Variants in STAU2 observed in about 807,000 individuals in gnomAD.
STAU2 encodes the protein double-stranded RNA-binding protein Staufen homolog 2.
STAU2 carries 20 observed loss-of-function variants against 65.9 expected under a neutral mutation model. The ratio of observed to expected loss-of-function variants is 0.30; its 90% CI spans 0.21 to 0.44. STAU2 has a LOEUF of 0.44. STAU2 is among the 20% of genes least tolerant of loss of function. STAU2 has a pLI of 1.00. For synonymous variants in STAU2, 232 were observed against 233.9 expected (o/e 0.99, Z 0.07); for missense variants, 558 against 683.9 (o/e 0.82, Z 2.05).
chr8:73,490,521 C>T (rs1821105867), intron 13 of STAU2, among the ~76,000 whole-genome samples: 1 of 151,998 alleles, frequency 6.6e-6, no homozygotes, highest in Non-Finnish European at 1.5e-5. Context: ...AGGGACTTAG[C>T]TCAATCCATG....
chr8:73,724,889 T>C (rs1325135223), intron 3 of STAU2, among the ~76,000 whole-genome samples: 1 of 152,176 alleles, frequency 6.6e-6, no homozygotes, highest in Non-Finnish European at 1.5e-5. Context: ...GTTTTCACCA[T>C]GTTGTCCAGG....
intron 3 of STAU2, among the ~76,000 whole-genome samples, chr8:73,709,562 CT>C (rs1316394080): frequency 6.6e-6 from 1 of 151,370 alleles, no homozygotes; most frequent in East Asian, 1.9e-4. Context: ...AATTTTTTTC[CT>C]TCTCATTATG....
At chr8:73,639,974 T>A (rs2130117155) in intron 6 of STAU2, among the ~76,000 whole-genome samples, 1 of 152,238 alleles carries the variant, frequency 6.6e-6, no homozygotes, top group East Asian at 1.9e-4. Flanking sequence ...AGGAACAAAC[T>A]AAATTATGAC....
At chr8:73,444,018 ACT>A (rs1818334809) in intron 13 of STAU2, among the ~76,000 whole-genome samples, 1 of 151,972 alleles carries the variant, frequency 6.6e-6, no homozygotes. Flanking sequence ...CCATGTTGTG[ACT>A]CTGCTCTCCT....
intron 13 of STAU2, among the ~76,000 whole-genome samples, chr8:73,507,981 C>T (rs1822165929): frequency 6.6e-6 from 1 of 152,202 alleles, no homozygotes; most frequent in Non-Finnish European, 1.5e-5. Flanking sequence ...GAGTTAGGGC[C>T]TTGCTCTGGA....
At chr8:73,572,042 A>T (rs1317853457) in intron 12 of STAU2, among the ~76,000 whole-genome samples, 2 of 152,206 alleles carry the variant, frequency 1.3e-5, no homozygotes, top group South Asian at 2.1e-4. Flanking sequence ...AATCAAATAG[A>T]CGCAATAAAA....
chr8:73,668,455 T>C (rs998930519), intron 6 of STAU2, among the ~76,000 whole-genome samples: 1 of 152,166 alleles, frequency 6.6e-6, no homozygotes, highest in African/African-American at 2.4e-5. Flanking sequence ...GTCTGCCATT[T>C]TGGCCATTTG....
chr8:73,483,655 A>G (rs1405596334), intron 13 of STAU2, among the ~76,000 whole-genome samples: 1 of 152,162 alleles, frequency 6.6e-6, no homozygotes, highest in Non-Finnish European at 1.5e-5. Context: ...CAACATTACA[A>G]TGTTGCTTAG....
rs183307313 is a variant in STAU2 at position 73,497,994 on chromosome 8, G to T, written c.1530+54018C>A. Reference sequence around the variant, plus strand: ...TAATGATACAACTTATGTACACGTGGCAACATAATATACTGATCTCTTAAT... The same window carrying T: ...TAATGATACAACTTATGTACACGTGTCAACATAATATACTGATCTCTTAAT... On this transcript the variant is annotated intron_variant, in intron 13 of 14. Coordinates refer to ENST00000524300, the MANE Select transcript of STAU2 (RefSeq NM_001164380.2). Among the ~76,000 whole-genome samples the T allele has an allele frequency of 5.3e-4, 81 of 151,848 alleles. No individual in the cohort carries two copies. The East Asian group carries it at 0.015, about 28-fold the overall frequency.
At chr8:73,702,221 A>G (rs993753077) in intron 4 of STAU2, among the ~76,000 whole-genome samples, 1 of 152,212 alleles carries the variant, frequency 6.6e-6, no homozygotes, top group African/African-American at 2.4e-5. Flanking sequence ...TACACTTTAA[A>G]ATAACTAAAA....
intron 4 of STAU2, among the ~76,000 whole-genome samples, chr8:73,704,825 C>A (rs528299909): frequency 6.6e-6 from 1 of 152,080 alleles, no homozygotes; most frequent in Non-Finnish European, 1.5e-5. Context: ...CGTGCCACCA[C>A]GCCTGGCTAA....
chr8:73,694,817 G>A (rs1289107756), intron 4 of STAU2, among the ~76,000 whole-genome samples: 1 of 152,180 alleles, frequency 6.6e-6, no homozygotes, highest in Non-Finnish European at 1.5e-5. Flanking sequence ...ACGGCTATTG[G>A]AAAACAGTAC....
At chr8:73,637,429 G>A (rs1189342234) in intron 6 of STAU2, among the ~76,000 whole-genome samples, 3 of 115,848 alleles carry the variant, frequency 2.6e-5, no homozygotes, top group Non-Finnish European at 4.9e-5. Context: ...TCTGAGGCCA[G>A]GAGACAAGTG....
chr8:73,598,596 T>C (rs1347558054), intron 10 of STAU2, among the ~76,000 whole-genome samples: 1 of 152,174 alleles, frequency 6.6e-6, no homozygotes, highest in African/African-American at 2.4e-5. Flanking sequence ...GGAAACACTG[T>C]ACTTAATGTT....
chr8:73,506,594 T>C (rs1215002117), intron 13 of STAU2, among the ~76,000 whole-genome samples: 2 of 152,184 alleles, frequency 1.3e-5, no homozygotes, highest in African/African-American at 4.8e-5. Flanking sequence ...GTGGAGGGTC[T>C]TGCATCAGTG....
At chr8:73,717,896 T>C (rs565038175) in intron 3 of STAU2, among the ~76,000 whole-genome samples, 6 of 152,218 alleles carry the variant, frequency 3.9e-5, no homozygotes, top group Non-Finnish European at 8.8e-5. Flanking sequence ...AGAATCACCC[T>C]GTGCAGTTCT....
chr8:73,437,099 C>T (rs543082664), intron 13 of STAU2, among the ~76,000 whole-genome samples: 1 of 152,298 alleles, frequency 6.6e-6, no homozygotes, highest in Admixed American at 6.5e-5. Context: ...ACAGTTCACA[C>T]ACTGTATTTG....
intron 13 of STAU2, among the ~76,000 whole-genome samples, chr8:73,470,282 A>G (rs533117565): frequency 6.6e-6 from 1 of 152,174 alleles, no homozygotes; most frequent in Non-Finnish European, 1.5e-5. Context: ...GGAGTCTGGG[A>G]AAAAGATCCC....
intron 5 of STAU2, among the ~76,000 whole-genome samples, chr8:73,681,997 A>C (rs1818465712): frequency 1.3e-5 from 2 of 152,148 alleles, no homozygotes; most frequent in African/African-American, 4.8e-5. Context: ...CTAGACCTTA[A>C]TAAATGAGAC....
Sources: allele counts gnomAD v4.1 joint callset (sites outside exome capture counted in the v4.1 genomes callset), GRCh38; gene constraint gnomAD v4.1.1; transcripts MANE v1.5; gene names NCBI Gene and HGNC (gene_info 2026-07-23, HGNC 2026-07-21).